MCCC1: variants seen among roughly 807,000 people sequenced by gnomAD.
MCCC1 encodes methylcrotonyl-CoA carboxylase subunit 1.
In MCCC1, 64 loss-of-function variants were observed where a neutral mutation model predicts 83.8. The ratio of observed to expected loss-of-function variants is 0.76; its 90% CI spans 0.62 to 0.94. The LOEUF is 0.94. MCCC1 is among the 40% of genes least tolerant of loss of function. The pLI, the probability that MCCC1 is intolerant of heterozygous loss-of-function variation, is 0.00. For synonymous variants in MCCC1, 322 were observed against 315.4 expected (o/e 1.02, Z -0.22); for missense variants, 807 against 904.7 (o/e 0.89, Z 1.39).
intron 9 of MCCC1, among the ~76,000 whole-genome samples, chr3:183,046,690 G>A (rs1380470755): frequency 2.0e-5 from 3 of 152,134 alleles, no homozygotes; most frequent in African/African-American, 7.2e-5. Flanking sequence ...GTGAGCCACT[G>A]TGCCCAGCTT....
chr3:183,104,167 C>T (rs1577383348), upstream of MCCC1, among the ~76,000 whole-genome samples: 1 of 152,236 alleles, frequency 6.6e-6, no homozygotes, highest in African/African-American at 2.4e-5. Context: ...CCAGCTCCGG[C>T]CTTGGCCAGC....
chr3:183,052,805 G>A (rs1172674251), intron 8 of MCCC1, among the ~76,000 whole-genome samples: 1 of 52,734 alleles, frequency 1.9e-5, no homozygotes, highest in African/African-American at 9.0e-5. Context: ...GTGAGACTTT[G>A]TCTCAAAAAA....
At chr3:183,089,020 C>T (rs1718122891) in intron 3 of MCCC1, among the ~76,000 whole-genome samples, 1 of 152,180 alleles carries the variant, frequency 6.6e-6, no homozygotes, top group South Asian at 2.1e-4. Context: ...CAGAAACCTA[C>T]AGGAATGTTT....
At chr3:183,115,981 C>T (rs1410791503) in exon 1 of MCCC1, 1 of 152,252 alleles carries the variant, frequency 6.6e-6, no homozygotes, top group African/African-American at 2.4e-5. Context: ...TGGGCTCGAG[C>T]AAGCAGTTGC....
intron 11 of MCCC1, 102 bp downstream of exon 11, chr3:183,041,465 T>C (rs1714074292): frequency 4.8e-6 from 6 of 1,244,006 alleles, no homozygotes; most frequent in Admixed American, 3.8e-5. Context: ...TTTTAAAATA[T>C]GCTAGACAGT....
Position 183,039,073 on chromosome 3 carries a change from G to A in MCCC1, c.1330C>T (p.Arg444Cys), listed in dbSNP as rs375996272. 13 of 1,614,024 alleles carry A rather than the reference G, an allele frequency of 8.1e-6. No individual in the cohort carries two copies. The highest frequency in any genetic ancestry group is 2.2e-5 in the South Asian group (2 of 91,080). ...CTCAGTTTTGTCAATGCCGCCTGGC[G>A]ATCTGCTGCCCACACGACCAGCTTC... ...IAKLVVWAAD[R>C]QAALTKLRYS... Residue 444 changes from arginine (R) to cysteine (C), a missense_variant, in exon 12 of 19, where the codon CGC becomes TGC. Physicochemically the swap from Arg to Cys is radical, Grantham distance 180. Coordinates refer to ENST00000265594, the MANE Select transcript of MCCC1 (RefSeq NM_020166.5).
At chr3:183,052,395 G>A (rs1715046684) in intron 8 of MCCC1, among the ~76,000 whole-genome samples, 155 bp from the exon 9 acceptor site, 1 of 152,212 alleles carries the variant, frequency 6.6e-6, no homozygotes, top group Non-Finnish European at 1.5e-5. Flanking sequence ...TAATGGAGCT[G>A]AAAAATCCCT....
At chr3:183,057,482 G>T (rs772640706) in intron 7 of MCCC1, 60 bp from the exon 8 acceptor site, 2 of 1,300,576 alleles carry the variant, frequency 1.5e-6, no homozygotes, top group Non-Finnish European at 2.2e-6. Flanking sequence ...TATCACATTC[G>T]TTAAGCTAAA....
intron 1 of MCCC1, among the ~76,000 whole-genome samples, chr3:183,114,712 T>C (rs1719561439): frequency 6.6e-6 from 1 of 152,196 alleles, no homozygotes; most frequent in African/African-American, 2.4e-5. Flanking sequence ...ATTCAGACAG[T>C]GACTCTAGAT....
intron 14 of MCCC1, among the ~76,000 whole-genome samples, chr3:183,029,926 T>C (rs909349687): frequency 1.5e-4 from 23 of 152,100 alleles, no homozygotes; most frequent in African/African-American, 5.1e-4. Context: ...TGGCCTGATA[T>C]TGGAGGCCCC....
At chr3:183,035,209 A>C (rs1240115092) in intron 13 of MCCC1, among the ~76,000 whole-genome samples, 1 of 152,244 alleles carries the variant, frequency 6.6e-6, no homozygotes, top group Admixed American at 6.5e-5. Flanking sequence ...AGGTCACAGT[A>C]AGACAACGTT....
At chr3:183,104,512 C>A (rs1039324005), upstream of MCCC1, among the ~76,000 whole-genome samples, 5 of 152,158 alleles carry the variant, frequency 3.3e-5, no homozygotes, top group African/African-American at 1.2e-4. Flanking sequence ...GTTTTAAAAT[C>A]TGCACAGCAA....
chr3:183,034,209 G>A (rs1481338656), intron 13 of MCCC1, 132 bp from the exon 14 acceptor site: 3 of 654,616 alleles, frequency 4.6e-6, no homozygotes, highest in Non-Finnish European at 8.2e-6. Context: ...CCAGCACTTT[G>A]GGAGGCCAAG....
chr3:183,024,068 C>T (rs992848724), intron 15 of MCCC1, among the ~76,000 whole-genome samples: 5 of 152,052 alleles, frequency 3.3e-5, no homozygotes, highest in Admixed American at 1.3e-4. Flanking sequence ...CTGACCAACA[C>T]AGTGAAACCC....
At chr3:183,099,295 G>T in intron 1 of MCCC1, 57 bp downstream of exon 1, 2 of 1,538,776 alleles carry the variant, frequency 1.3e-6, no homozygotes, top group Non-Finnish European at 1.7e-6. Flanking sequence ...CGCTCACGCG[G>T]GTCCGTGCAC....
chr3:183,033,579 T>C (rs1200073281), intron 14 of MCCC1, among the ~76,000 whole-genome samples: 1 of 152,218 alleles, frequency 6.6e-6, no homozygotes, highest in Non-Finnish European at 1.5e-5. Context: ...CGTCCCTCTC[T>C]GACATAGTTT....
At chr3:183,105,047 A>T (rs1201935650) in intron 1 of MCCC1, among the ~76,000 whole-genome samples, 1 of 152,254 alleles carries the variant, frequency 6.6e-6, no homozygotes, top group African/African-American at 2.4e-5. Flanking sequence ...GAAACTAATT[A>T]AATAATGTAC....
chr3:183,099,695 C>G (rs1719028436), upstream of MCCC1: 1 of 587,218 alleles, frequency 1.7e-6, no homozygotes, highest in Non-Finnish European at 3.0e-6. Flanking sequence ...TTTCTGCGTC[C>G]CCTGGGGCCT....
intron 4 of MCCC1, among the ~76,000 whole-genome samples, chr3:183,074,729 A>G (rs1716940729): frequency 6.6e-6 from 1 of 152,164 alleles, no homozygotes; most frequent in African/African-American, 2.4e-5. Context: ...ATTTTATTTT[A>G]TTAACTTTTA....
Sources: gnomAD v4.1 joint callset for allele counts (sites outside exome capture counted in the v4.1 genomes callset) on GRCh38, gnomAD v4.1.1 for gene constraint, MANE v1.5 for transcripts, NCBI Gene and HGNC (gene_info 2026-07-23, HGNC 2026-07-21) for gene names.